Variants in LTN1 observed in about 807,000 individuals in gnomAD.
The protein encoded by LTN1 is listerin E3 ubiquitin protein ligase 1, also known as E3 ubiquitin-protein ligase listerin.
A neutral mutation model predicts 201.2 loss-of-function variants in LTN1; 88 were observed. That is an observed-to-expected ratio of 0.44 (90% CI 0.37 to 0.52). The LOEUF (loss-of-function observed/expected upper bound fraction) is 0.52. LTN1 is among the 20% of genes least tolerant of loss of function. LTN1 has a pLI of 0.00. For synonymous variants in LTN1, 645 were observed against 713.5 expected (o/e 0.90, Z 1.53); for missense variants, 1,752 against 2,038.7 (o/e 0.86, Z 2.71).
chr21:28,977,859 T>C (rs1262699675), intron 6 of LTN1, among the ~76,000 whole-genome samples: 1 of 151,340 alleles, frequency 6.6e-6, no homozygotes, highest in African/African-American at 2.4e-5. Context: ...ACCTGGGAGG[T>C]AGAGGTTGCA....
In LTN1 at chr21:28,957,333, T is replaced by A; in HGVS notation, c.2891A>T (p.Gln964Leu). 1 of 1,581,414 alleles carries A rather than the reference T, an allele frequency of 6.3e-7. No homozygotes were observed. The highest frequency in any genetic ancestry group is 8.5e-7 in the Non-Finnish European group (1 of 1,170,214). ...TGTACTCTTCAATTTCCAAAATACC[T>A]GCATAGGAAGAGACTGCCTCATCTT... ...WEKMRQSLPM[Q>L]WLHRPLLEGR... The change falls in exon 15 of 30, where the codon CAG (glutamine) becomes CTG (leucine). Residue 964 changes from glutamine (Q) to leucine (L), a missense_variant and splice_region_variant. This residue lies in a region of LTN1 where 1,211 missense variants were observed against 1,312.8 expected (regional missense o/e 0.92). Transcript: ENST00000361371.
In LTN1 at chr21:28,984,805, G is replaced by T; in HGVS notation, c.463C>A (p.Gln155Lys). ...GCAGCTGGTGTGTAAGTATCACACT[G>T]AGCCATTAGCCAATATCCCATTAAA... ...KSLMGYWLMA[Q>K]CDTYTPAAFA... Residue 155 changes from glutamine (Q) to lysine (K), a missense_variant, in exon 4 of 30, where the codon CAG becomes AAG. Coordinates refer to ENST00000361371, the MANE Select transcript of LTN1 (RefSeq NM_015565.3). 1 of 1,613,950 alleles carries T rather than the reference G, an allele frequency of 6.2e-7. No individual in the cohort carries two copies.
chr21:28,982,434 C>G, intron 4 of LTN1, 66 bp from the exon 5 acceptor site: 2 of 1,176,598 alleles, frequency 1.7e-6, no homozygotes, highest in Non-Finnish European at 2.5e-6. Flanking sequence ...CAGACAGAGC[C>G]TAGTTAAATA....
intron 24 of LTN1, 39 bp downstream of exon 24, chr21:28,943,223 T>C (rs1329462164): frequency 2.3e-6 from 3 of 1,280,688 alleles, no homozygotes; most frequent in Non-Finnish European, 3.4e-6. Context: ...AGATGGATTA[T>C]AAGAATTTAA....
chr21:28,986,424 T>C lies in LTN1; in HGVS notation c.247-187A>G. ...GGTAGAAACTCTTCAGTTGTTTTTT[T>C]AAAAATAAAACATCTACAAACAAAA... On this transcript the variant is annotated intron_variant, in intron 2 of 29. Coordinates refer to ENST00000361371, the MANE Select transcript of LTN1 (RefSeq NM_015565.3). The surrounding 1 kb of genome is among the most constrained non-coding windows in gnomAD (Gnocchi z 4.1). 1 of 683,698 alleles carries C rather than the reference T, an allele frequency of 1.5e-6. No homozygotes were observed. Among genetic ancestry groups the C allele is most frequent in the Non-Finnish European group, 2.6e-6 (1 of 380,382 alleles). The allele number at this position is 683,698 out of a possible 1,614,324, so 42.4% of individuals were successfully genotyped here.
At chr21:28,958,603 G>A (rs2084446948) in intron 13 of LTN1, 64 bp from the exon 14 acceptor site, 2 of 1,202,370 alleles carry the variant, frequency 1.7e-6, no homozygotes, top group Admixed American at 2.5e-5. Context: ...AGCACAAAAT[G>A]TTTGAAACAA....
In LTN1 at chr21:28,957,410, A is replaced by G; in HGVS notation, c.2814T>C (p.Tyr938=). Residue 938 remains tyrosine, a synonymous_variant, in exon 15 of 30, where the codon TAT becomes TAC. Coordinates refer to ENST00000361371, the MANE Select transcript of LTN1 (RefSeq NM_015565.3). The stretch of plus-strand genomic sequence containing the variant: ...CACTTCCAATATAAACTCCCATAAG[A>G]TAAGAATCTTCACTCTCTAGAAGTG... The part of the protein sequence containing the change: ...LNTLLESEDS[Y]LMGVYIGSVM... 6.2e-7 allele frequency: 1 copy of G among 1,608,060 alleles called. No homozygotes were observed. Among genetic ancestry groups the G allele is most frequent in the Non-Finnish European group, 8.5e-7 (1 of 1,178,048 alleles).
At chr21:28,968,161 A>C (rs1349247583) in intron 9 of LTN1, among the ~76,000 whole-genome samples, 1 of 152,208 alleles carries the variant, frequency 6.6e-6, no homozygotes, top group Admixed American at 6.5e-5. Flanking sequence ...CTTTCATATC[A>C]TACAAGAGCT....
At position 28,936,510 on chromosome 21, in the gene LTN1, C is replaced by T. The variant is rs376779582; in HGVS notation, c.4654+16G>A. ...TCTAGTGTCCAAGAAAGAACATAAA[C>T]ACATATCTTACTGACCTCTAATACT... is the stretch of plus-strand genomic sequence containing the variant. On this transcript the variant is annotated intron_variant, in intron 26 of 29. Transcript: ENST00000361371. 43 of 1,591,464 alleles carry T rather than the reference C, an allele frequency of 2.7e-5. No homozygotes were observed. The African/African-American group carries it at 3.4e-4, about 12-fold the overall frequency.
chr21:28,946,289 T>C lies in LTN1; in HGVS notation c.3488-2A>G, dbSNP rs1156270193. On this transcript the variant is annotated splice_acceptor_variant, in intron 19 of 29. Transcript: ENST00000361371. LOFTEE classifies it high-confidence loss of function. ...AAATGGCAAGATGTCCAAAACCTCC[T>C]AAAGTAAAATTCAAAATGAAAATTA... 1.3e-6 allele frequency: 2 copies of C among 1,539,788 alleles called. No homozygotes were observed. Among genetic ancestry groups the C allele is most frequent in the East Asian group, 4.7e-5 (2 of 42,614 alleles).
chr21:28,945,540 G>A (rs771373332), intron 21 of LTN1, among the ~76,000 whole-genome samples: 2 of 152,204 alleles, frequency 1.3e-5, no homozygotes, highest in African/African-American at 4.8e-5. Flanking sequence ...TGAAAGGGCT[G>A]TGCTGCAAAT....
At chr21:28,948,365 G>A (rs2146274168) in intron 18 of LTN1, among the ~76,000 whole-genome samples, 1 of 148,778 alleles carries the variant, frequency 6.7e-6, no homozygotes, top group Non-Finnish European at 1.5e-5. Context: ...TGCCTCCCAG[G>A]TGCAAGTGAT....
chr21:28,934,923 C>A (rs965541765), intron 27 of LTN1, among the ~76,000 whole-genome samples, 186 bp downstream of exon 27: 3 of 152,184 alleles, frequency 2.0e-5, no homozygotes, highest in Non-Finnish European at 2.9e-5. Flanking sequence ...GTCTTGAACT[C>A]CTGGGCTCAA....
At position 28,943,288 on chromosome 21, in the gene LTN1, G is replaced by A. The variant is rs767497558; in HGVS notation, c.4269C>T (p.Tyr1423=). 2.3e-5 allele frequency: 37 copies of A among 1,602,634 alleles called. No individual in the cohort carries two copies. The South Asian group carries it at 2.8e-4, about 12-fold the overall frequency. Residue 1423 remains tyrosine, a synonymous_variant, in exon 24 of 30, where the codon TAC becomes TAT. Coordinates refer to ENST00000361371, the MANE Select transcript of LTN1 (RefSeq NM_015565.3). ...AGGCTGGCTCTTCTTCTTCATCTCC[G>A]TATGACTTTAGATTATCCTGATCAT... The part of the protein sequence containing the change: ...PQYDQDNLKS[Y]GDEEEEPALS...
intron 8 of LTN1, among the ~76,000 whole-genome samples, chr21:28,970,322 G>T (rs1201732321): frequency 6.6e-6 from 1 of 152,178 alleles, no homozygotes; most frequent in Non-Finnish European, 1.5e-5. Context: ...TAGCCTAGTT[G>T]ACCTATTTCC....
Position 28,958,533 on chromosome 21 carries a change from A to G in LTN1, c.2600T>C (p.Leu867Pro). Residue 867 changes from leucine (L) to proline (P), a missense_variant, in exon 14 of 30, where the codon CTT becomes CCT. Transcript: ENST00000361371. ...SKEKTHLPDF[L>P]ICKLKNTWLS... ...CCAAGTATTTTTCAGTTTACAGATA[A>G]GAAAATCTAAAATCAAGATGTCAAC... 6.3e-7 allele frequency: 1 copy of G among 1,592,824 alleles called. No homozygotes were observed.
intron 7 of LTN1, 108 bp from the exon 8 acceptor site, chr21:28,970,850 TA>T: frequency 4.2e-6 from 3 of 720,540 alleles, no homozygotes; most frequent in South Asian, 3.4e-5. Context: ...GTATTTTACC[TA>T]AAAAAAGCTA....
At chr21:28,981,803 TC>T (rs772517332) in intron 5 of LTN1, among the ~76,000 whole-genome samples, 11 of 152,210 alleles carry the variant, frequency 7.2e-5, no homozygotes, top group Non-Finnish European at 1.3e-4. Flanking sequence ...AATGTGTAGC[TC>T]CCAGGTAATT....
intron 27 of LTN1, 65 bp from the exon 28 acceptor site, chr21:28,932,729 T>A: frequency 9.2e-7 from 1 of 1,082,326 alleles, no homozygotes; most frequent in East Asian, 2.4e-5. Context: ...AACATTTTGA[T>A]AGGTTGACTA....
Sources: allele counts gnomAD v4.1 joint callset (sites outside exome capture counted in the v4.1 genomes callset), GRCh38; gene constraint gnomAD v4.1.1; regional missense constraint gnomAD v4.1.1; non-coding constraint Gnocchi (gnomAD v3.1); transcripts MANE v1.5; gene names NCBI Gene and HGNC (gene_info 2026-07-23, HGNC 2026-07-21).